Variants in PARVA observed in about 807,000 individuals in gnomAD.
The protein encoded by PARVA is alpha-parvin.
PARVA carries 25 observed loss-of-function variants against 52.6 expected under a neutral mutation model. The observed-to-expected ratio is 0.48, with a 90% CI of 0.35 to 0.66. The LOEUF (loss-of-function observed/expected upper bound fraction) is 0.66, where lower values mean the gene tolerates loss of function less well. PARVA is among the 30% of genes least tolerant of loss of function. The pLI, the probability that PARVA is intolerant of heterozygous loss-of-function variation, is 0.01. For missense variants in PARVA, 373 were observed against 450.9 expected, an observed-to-expected ratio of 0.83 and a Z score of 1.56; for synonymous variants, 185 against 179.1, an observed-to-expected ratio of 1.03 and a Z score of -0.26.
In PARVA at chr11:12,524,692, G is replaced by C. The variant is rs146477570; in HGVS notation, c.1043-3157G>C. 8.9e-4 allele frequency among the ~76,000 whole-genome samples: 136 copies of C among 152,284 alleles called. 3 individuals are homozygous for C. The East Asian group carries it at 0.024, about 27-fold the overall frequency. On this transcript the variant is annotated intron_variant, in intron 12 of 12. Coordinates refer to ENST00000334956, the MANE Select transcript of PARVA (RefSeq NM_018222.5). ...TTAACCTCCTCGCCCTCTTGGGAGC[G>C]CGTGGCCCTCTTGTCCACCCTCTCT...
chr11:12,420,066 A>G (rs922412907), intron 1 of PARVA, among the ~76,000 whole-genome samples: 1 of 152,214 alleles, frequency 6.6e-6, no homozygotes, highest in Non-Finnish European at 1.5e-5. Context: ...AGTTCTCAAA[A>G]TGCATTCCTT....
chr11:12,381,612 A>G, intron 1 of PARVA, among the ~76,000 whole-genome samples: 1 of 152,250 alleles, frequency 6.6e-6, no homozygotes, highest in East Asian at 1.9e-4. Context: ...TTAACTGCTA[A>G]TAGCCTACCG....
intron 4 of PARVA, among the ~76,000 whole-genome samples, chr11:12,486,286 C>A (rs1941157742): frequency 6.6e-6 from 1 of 152,192 alleles, no homozygotes; most frequent in Non-Finnish European, 1.5e-5. Flanking sequence ...GTAATCTCAG[C>A]ACTTTGGGAG....
At chr11:12,464,685 T>G (rs1468354154) in intron 1 of PARVA, among the ~76,000 whole-genome samples, 1 of 152,228 alleles carries the variant, frequency 6.6e-6, no homozygotes, top group Non-Finnish European at 1.5e-5. Flanking sequence ...ATTTTTTAAT[T>G]TGCTTACATT....
chr11:12,513,237 A>G, intron 8 of PARVA, 62 bp from the exon 9 acceptor site: 1 of 1,488,142 alleles, frequency 6.7e-7, no homozygotes, highest in Non-Finnish European at 9.4e-7. Context: ...CTGGGACCCA[A>G]GGTGGGCTTC....
chr11:12,417,987 C>A (rs902423968), intron 1 of PARVA, among the ~76,000 whole-genome samples: 1 of 152,206 alleles, frequency 6.6e-6, no homozygotes, highest in African/African-American at 2.4e-5. Context: ...CTGTAGGCCA[C>A]CTAAGGCTGG....
intron 10 of PARVA, among the ~76,000 whole-genome samples, chr11:12,516,514 G>A (rs182770683): frequency 7.2e-5 from 11 of 152,134 alleles, no homozygotes; most frequent in South Asian, 2.1e-4. Context: ...AGCAGCCTCC[G>A]CACTTAGCTG....
At chr11:12,477,166 G>C (rs915244417) in intron 3 of PARVA, 1 of 152,182 alleles carries the variant, frequency 6.6e-6, no homozygotes, top group African/African-American at 2.4e-5. Context: ...CACGATCTCG[G>C]CTTACTGCAG....
intron 1 of PARVA, among the ~76,000 whole-genome samples, chr11:12,400,864 A>T (rs117836683): frequency 9.5e-4 from 144 of 152,326 alleles, no homozygotes; most frequent in Admixed American, 3.9e-3. Flanking sequence ...ATTTAACTGT[A>T]TTCCCATGTG....
chr11:12,404,760 G>A (rs886931480), intron 1 of PARVA, among the ~76,000 whole-genome samples: 2 of 152,194 alleles, frequency 1.3e-5, no homozygotes, highest in Non-Finnish European at 2.9e-5. Context: ...TGGACATGTG[G>A]CATAGCCCAA....
At chr11:12,516,218 T>G (rs564893335) in intron 10 of PARVA, among the ~76,000 whole-genome samples, 2 of 152,208 alleles carry the variant, frequency 1.3e-5, no homozygotes, top group Non-Finnish European at 2.9e-5. Context: ...GCTAGCTGGC[T>G]ACCTGGAAAG....
At chr11:12,394,818 G>A (rs956921230) in intron 1 of PARVA, among the ~76,000 whole-genome samples, 13 of 152,210 alleles carry the variant, frequency 8.5e-5, no homozygotes, top group Non-Finnish European at 1.6e-4. Context: ...CAGGCTGGGC[G>A]TGGTGGCTCA....
Position 12,517,625 on chromosome 11 carries a change from T to A in PARVA, c.883T>A (p.Tyr295Asn), listed in dbSNP as rs1453281598. 1.3e-6 allele frequency: 2 copies of A among 1,598,480 alleles called. No homozygotes were observed. Among genetic ancestry groups the A allele is most frequent in the South Asian group, 2.3e-5 (2 of 88,020 alleles). ...CTTCCTCCAGTTTGCAGATGGGGTG[T>A]ACCTGGTGCTGCTCATGGGGCTCCT... is the stretch of plus-strand genomic sequence containing the variant. ...ELETQFADGVYLVLLMGLLEG... is the reference protein window; with the variant it reads ...ELETQFADGVNLVLLMGLLEG... Residue 295 changes from tyrosine (Y) to asparagine (N), a missense_variant, in exon 11 of 13, where the codon TAC becomes AAC. Coordinates refer to ENST00000334956, the MANE Select transcript of PARVA (RefSeq NM_018222.5).
intron 1 of PARVA, among the ~76,000 whole-genome samples, chr11:12,379,887 A>G (rs1939460703): frequency 6.6e-6 from 1 of 152,226 alleles, no homozygotes; most frequent in South Asian, 2.1e-4. Flanking sequence ...TCCTTGCAGC[A>G]TTCCTGACAT....
chr11:12,400,244 C>T (rs1452654948), intron 1 of PARVA, among the ~76,000 whole-genome samples: 1 of 152,150 alleles, frequency 6.6e-6, no homozygotes, highest in Non-Finnish European at 1.5e-5. Flanking sequence ...TAATTTATTA[C>T]ATTTGCTTTG....
chr11:12,439,229 G>T (rs554705152), intron 1 of PARVA, among the ~76,000 whole-genome samples: 6 of 152,266 alleles, frequency 3.9e-5, no homozygotes, highest in Non-Finnish European at 7.4e-5. Context: ...CTAGGAATAT[G>T]AGGGTGAATG....
At chr11:12,478,051 C>A in intron 4 of PARVA, 102 bp downstream of exon 4, 1 of 779,324 alleles carries the variant, frequency 1.3e-6, no homozygotes, top group South Asian at 1.4e-5. Flanking sequence ...AGTGGCTTAC[C>A]TGGAAATGGA....
intron 1 of PARVA, among the ~76,000 whole-genome samples, chr11:12,443,166 C>CTTT (rs1256512220): frequency 1.6e-5 from 1 of 61,720 alleles, no homozygotes; most frequent in Admixed American, 2.7e-4. Flanking sequence ...CGGCGCCCCC[C>CTTT]TTCTTTTTTT....
chr11:12,395,452 G>T (rs1939728398), intron 1 of PARVA, among the ~76,000 whole-genome samples: 1 of 152,158 alleles, frequency 6.6e-6, no homozygotes, highest in Non-Finnish European at 1.5e-5. Flanking sequence ...GGAGAATCGG[G>T]CTGCTGAAGA....
Sources: gnomAD v4.1 joint callset for allele counts (sites outside exome capture counted in the v4.1 genomes callset) on GRCh38, gnomAD v4.1.1 for gene constraint, MANE v1.5 for transcripts, NCBI Gene and HGNC (gene_info 2026-07-23, HGNC 2026-07-21) for gene names.